Variants in PTPRD observed in about 807,000 individuals in gnomAD.
PTPRD encodes receptor-type tyrosine-protein phosphatase delta.
PTPRD carries 34 observed loss-of-function variants against 214.5 expected under a neutral mutation model. The observed-to-expected ratio is 0.16, with a 90% CI of 0.12 to 0.21. PTPRD has a LOEUF of 0.21. Ranked by LOEUF, PTPRD falls within the 10% of genes least tolerant of loss-of-function variation. The probability of loss-of-function intolerance (pLI) is 1.00; values close to 1 mark genes in which losing one functional copy is unlikely to be tolerated. For missense variants in PTPRD, 2,545 were observed against 2,398.7 expected, an observed-to-expected ratio of 1.06 and a Z score of -1.27; for synonymous variants, 1,128 against 845.7, an observed-to-expected ratio of 1.33 and a Z score of -5.79.
chr9:9,322,297 T>C (rs1182067522), intron 9 of PTPRD, among the ~76,000 whole-genome samples: 1 of 152,182 alleles, frequency 6.6e-6, no homozygotes, highest in Non-Finnish European at 1.5e-5. Context: ...TACTGGGCAT[T>C]TGCTATAGAC....
chr9:10,293,832 A>T (rs1429051539), intron 3 of PTPRD, among the ~76,000 whole-genome samples: 2 of 152,008 alleles, frequency 1.3e-5, no homozygotes, highest in South Asian at 2.1e-4. Context: ...AAGGTGAGAC[A>T]TGGAGTTAGA....
intron 5 of PTPRD, among the ~76,000 whole-genome samples, chr9:9,817,798 C>T (rs1198289844): frequency 1.3e-5 from 2 of 152,274 alleles, no homozygotes; most frequent in African/African-American, 4.8e-5. Flanking sequence ...GTCAAAAAGT[C>T]ACAGGCTTTT....
chr9:9,472,189 C>CTT (rs1220396472), intron 8 of PTPRD, among the ~76,000 whole-genome samples: 1,380 of 82,694 alleles, frequency 0.017, 63 homozygotes, highest in African/African-American at 0.035. Flanking sequence ...CTACTCCAAT[C>CTT]TTTTTTTTTT....
chr9:8,724,016 G>A (rs2098530896), intron 12 of PTPRD, among the ~76,000 whole-genome samples: 1 of 152,112 alleles, frequency 6.6e-6, no homozygotes, highest in Non-Finnish European at 1.5e-5. Context: ...ACTTTTATGA[G>A]AGAACAAAGC....
intron 5 of PTPRD, among the ~76,000 whole-genome samples, chr9:9,914,381 G>C (rs1278227722): frequency 6.6e-6 from 1 of 152,190 alleles, no homozygotes; most frequent in Non-Finnish European, 1.5e-5. Context: ...TATATGTCTT[G>C]GGCCTTGAGC....
At chr9:10,156,099 T>TGC (rs1385124153) in intron 3 of PTPRD, among the ~76,000 whole-genome samples, 1 of 150,882 alleles carries the variant, frequency 6.6e-6, no homozygotes, top group African/African-American at 2.4e-5. Context: ...TGTGTGTGTG[T>TGC]GTGTGTGTGT....
intron 8 of PTPRD, among the ~76,000 whole-genome samples, chr9:9,529,880 T>G (rs1009130301): frequency 1.3e-4 from 20 of 151,716 alleles, no homozygotes; most frequent in African/African-American, 3.4e-4. Flanking sequence ...ACACTCTATA[T>G]AAATACATTT....
chr9:8,531,827 TTACCAAA>T (rs2075775009), intron 14 of PTPRD, among the ~76,000 whole-genome samples: 1 of 152,100 alleles, frequency 6.6e-6, no homozygotes, highest in African/African-American at 2.4e-5. Flanking sequence ...CTAAAGGCTC[TTACCAAA>T]GAAATCTAGA....
At chr9:9,604,334 A>G (rs1219357748) in intron 7 of PTPRD, among the ~76,000 whole-genome samples, 1 of 152,124 alleles carries the variant, frequency 6.6e-6, no homozygotes, top group East Asian at 1.9e-4. Flanking sequence ...ATCAAAGTCA[A>G]TTAATATTCA....
intron 2 of PTPRD, among the ~76,000 whole-genome samples, chr9:10,609,688 G>T (rs1001909247): frequency 2.6e-5 from 4 of 152,116 alleles, no homozygotes; most frequent in Admixed American, 6.5e-5. Flanking sequence ...ATTCCATAAA[G>T]AATAAAGCAA....
At chr9:9,090,117 T>C (rs919971692) in intron 10 of PTPRD, among the ~76,000 whole-genome samples, 4 of 152,218 alleles carry the variant, frequency 2.6e-5, no homozygotes, top group Non-Finnish European at 5.9e-5. Flanking sequence ...CAATATATTG[T>C]TGTTAACTAC....
chr9:9,295,848 C>T (rs977444990), intron 9 of PTPRD, among the ~76,000 whole-genome samples: 1 of 151,832 alleles, frequency 6.6e-6, no homozygotes, highest in Non-Finnish European at 1.5e-5. Context: ...TCAGAGGCAA[C>T]GCCTCTCTCT....
chr9:9,741,009 T>C (rs1388204490), intron 6 of PTPRD, among the ~76,000 whole-genome samples: 2 of 152,122 alleles, frequency 1.3e-5, no homozygotes, highest in African/African-American at 2.4e-5. Flanking sequence ...TTGAGAGACT[T>C]GATAATGGAA....
intron 8 of PTPRD, among the ~76,000 whole-genome samples, chr9:9,466,836 A>C (rs373556756): frequency 1.3e-5 from 2 of 151,920 alleles, no homozygotes; most frequent in African/African-American, 4.8e-5. Context: ...TCTTCTCCTC[A>C]GTCTTTTTTT....
intron 11 of PTPRD, among the ~76,000 whole-genome samples, chr9:8,770,357 C>T (rs1442591302): frequency 5.3e-5 from 8 of 150,564 alleles, no homozygotes; most frequent in Non-Finnish European, 1.0e-4. Flanking sequence ...AAAAAAAACA[C>T]GATCCACTAT....
At chr9:9,751,478 A>G (rs2098518778) in intron 6 of PTPRD, among the ~76,000 whole-genome samples, 1 of 152,118 alleles carries the variant, frequency 6.6e-6, no homozygotes, top group African/African-American at 2.4e-5. Flanking sequence ...GTCACCCTCA[A>G]AAAAGGTGTG....
intron 8 of PTPRD, among the ~76,000 whole-genome samples, chr9:9,459,983 G>C (rs2093484163): frequency 6.6e-6 from 1 of 151,900 alleles, no homozygotes; most frequent in Admixed American, 6.6e-5. Flanking sequence ...CATGGAACTG[G>C]TACAAAAATA....
At chr9:9,943,417 C>G (rs555407616) in intron 4 of PTPRD, among the ~76,000 whole-genome samples, 106 of 151,720 alleles carry the variant, frequency 7.0e-4, no homozygotes, top group African/African-American at 2.4e-3. Flanking sequence ...GTTTGAAATT[C>G]ATTCATTCAT....
chr9:9,348,226 T>A (rs1356043926), intron 9 of PTPRD, among the ~76,000 whole-genome samples: 1 of 152,146 alleles, frequency 6.6e-6, no homozygotes, highest in Non-Finnish European at 1.5e-5. Flanking sequence ...AGGTATTCTG[T>A]TGCTCTCTTT....
Sources: gnomAD v4.1 joint callset for allele counts (sites outside exome capture counted in the v4.1 genomes callset) on GRCh38, gnomAD v4.1.1 for gene constraint, MANE v1.5 for transcripts, NCBI Gene and HGNC (gene_info 2026-07-23, HGNC 2026-07-21) for gene names.